The following ROBO1 variants were observed in gnomAD, a reference collection of about 807,000 sequenced individuals.
ROBO1 encodes roundabout homolog 1.
In ROBO1, 149 loss-of-function variants were observed where a neutral mutation model predicts 195.9. The ratio of observed to expected loss-of-function variants is 0.76; its 90% CI spans 0.67 to 0.87. The LOEUF (loss-of-function observed/expected upper bound fraction) is 0.87. Among genes scored for constraint, ROBO1 ranks in the 40% least tolerant of loss-of-function variants. The pLI is 0.00. For missense variants in ROBO1, 1,933 were observed against 2,068.3 expected, an observed-to-expected ratio of 0.93 and a Z score of 1.27; for synonymous variants, 816 against 733.2, an observed-to-expected ratio of 1.11 and a Z score of -1.82.
chr3:79,315,949 A>G (rs188439296), intron 2 of ROBO1, among the ~76,000 whole-genome samples: 1 of 152,334 alleles, frequency 6.6e-6, no homozygotes, highest in Non-Finnish European at 1.5e-5. Flanking sequence ...GAGTTGTGAA[A>G]GAGTTGGAGA....
intron 2 of ROBO1, among the ~76,000 whole-genome samples, chr3:79,377,913 CTTAA>C (rs1383678239): frequency 1.3e-5 from 2 of 152,164 alleles, no homozygotes; most frequent in Non-Finnish European, 2.9e-5. Flanking sequence ...ACTTGACTAT[CTTAA>C]TTAAGCAGAT....
intron 1 of ROBO1, among the ~76,000 whole-genome samples, chr3:79,604,942 T>C (rs1251316121): frequency 1.3e-5 from 2 of 152,142 alleles, no homozygotes; most frequent in African/African-American, 4.8e-5. Flanking sequence ...ACACATTCCA[T>C]TTACTGCCAA....
At chr3:79,508,352 C>G (rs1400359467) in intron 2 of ROBO1, among the ~76,000 whole-genome samples, 1 of 152,132 alleles carries the variant, frequency 6.6e-6, no homozygotes, top group African/African-American at 2.4e-5. Context: ...ACAAACCAAA[C>G]AGTGAGGCCA....
chr3:78,604,268 A>G (rs1365796602), intron 29 of ROBO1, among the ~76,000 whole-genome samples: 1 of 151,944 alleles, frequency 6.6e-6, no homozygotes, highest in Non-Finnish European at 1.5e-5. Flanking sequence ...ATGGGGTTTC[A>G]CCATGTTGGC....
Position 79,360,811 on chromosome 3 carries a change from G to A in ROBO1, c.88+229013C>T, listed in dbSNP as rs140187244. Among the ~76,000 whole-genome samples the A allele has an allele frequency of 4.0e-3, 603 of 152,088 alleles. 2 individuals are homozygous for A. Among genetic ancestry groups the A allele is most frequent in the African/African-American group, 0.014 (565 of 41,540 alleles). Reference sequence around the variant, plus strand: ...ATTCCAAAGTGTGAAGCCAGGGTGCGGAACACTTAGATAATATGATGCTCT... The same window carrying A: ...ATTCCAAAGTGTGAAGCCAGGGTGCAGAACACTTAGATAATATGATGCTCT... On this transcript the variant is annotated intron_variant, in intron 2 of 30. Transcript: ENST00000464233.
chr3:79,541,829 G>A (rs1405699005), intron 2 of ROBO1, among the ~76,000 whole-genome samples: 1,779 of 57,940 alleles, frequency 0.031, 35 homozygotes, highest in African/African-American at 0.1. Flanking sequence ...GTGTGTGTGT[G>A]TATATATATA....
chr3:79,575,187 T>TATATATAAATATATATAACAA (rs1560007267), intron 2 of ROBO1, among the ~76,000 whole-genome samples: 1 of 113,216 alleles, frequency 8.8e-6, no homozygotes, highest in African/African-American at 3.7e-5. Flanking sequence ...ATATATAACA[T>TATATATAAATATATATAACAA]ATATATAAAT....
intron 2 of ROBO1, among the ~76,000 whole-genome samples, chr3:79,339,407 C>A (rs528643412): frequency 6.6e-6 from 1 of 152,304 alleles, no homozygotes; most frequent in Admixed American, 6.5e-5. Context: ...TTCTCAGCCA[C>A]TGTGGTACCA....
In ROBO1 at chr3:78,633,966, G is replaced by A. The variant is rs1439248218; in HGVS notation, c.3450C>T (p.Tyr1150=). Reference sequence around the variant, plus strand: ...TACTACTGCCCCGGTCTGAGCTGTTGTAGGATCCTCCTGTGTTCTGGTCGT... The same window carrying A: ...TACTACTGCCCCGGTCTGAGCTGTTATAGGATCCTCCTGTGTTCTGGTCGT... ...QSYDQNTGGS[Y]NSSDRGSSTS... is the part of the protein sequence containing the mutation. Residue 1150 remains tyrosine (Y), a synonymous_variant, in exon 24 of 31, where the codon TAC becomes TAT. Transcript: ENST00000464233. 1 of 1,612,394 alleles carries A rather than the reference G, an allele frequency of 6.2e-7. No homozygotes were observed. Among genetic ancestry groups the A allele is most frequent in the Non-Finnish European group, 8.5e-7 (1 of 1,178,904 alleles).
At position 79,390,971 on chromosome 3, in the gene ROBO1, T is replaced by A. The variant is rs1291128109; in HGVS notation, c.88+198853A>T. 1.2e-4 allele frequency among the ~76,000 whole-genome samples: 18 copies of A among 152,174 alleles called. No homozygotes were observed. In the East Asian group the frequency reaches 1.5e-3, roughly 13 times the overall value. On this transcript the variant is annotated intron_variant, in intron 2 of 30. Coordinates refer to ENST00000464233, the MANE Select transcript of ROBO1 (RefSeq NM_002941.4). ...CTTTAAGAATACCCCAAAGCACTGC[T>A]TTAACAATTAGCATAGTTCTTAATG...
chr3:79,727,183 T>A (rs1450016326), intron 1 of ROBO1, among the ~76,000 whole-genome samples: 1 of 152,164 alleles, frequency 6.6e-6, no homozygotes, highest in African/African-American at 2.4e-5. Flanking sequence ...GCTATGTTAA[T>A]TTACTTGCTG....
chr3:78,664,937 ACTT>A (rs1387489639), intron 14 of ROBO1, among the ~76,000 whole-genome samples: 5 of 152,166 alleles, frequency 3.3e-5, no homozygotes, highest in African/African-American at 1.2e-4. Flanking sequence ...CCTCAATTTT[ACTT>A]CTTCTCATGG....
intron 2 of ROBO1, among the ~76,000 whole-genome samples, chr3:79,188,889 T>C (rs1244702816): frequency 6.6e-6 from 1 of 151,720 alleles, no homozygotes; most frequent in Non-Finnish European, 1.5e-5. Flanking sequence ...CTTTGGGGTA[T>C]GATTAGGTCA....
chr3:79,639,738 G>A (rs1475712707), intron 1 of ROBO1, among the ~76,000 whole-genome samples: 2 of 152,076 alleles, frequency 1.3e-5, no homozygotes. Flanking sequence ...TATCAACAAA[G>A]CAAAAGTAAA....
intron 1 of ROBO1, among the ~76,000 whole-genome samples, chr3:79,763,969 T>C (rs1576334405): frequency 6.6e-6 from 1 of 152,322 alleles, no homozygotes; most frequent in East Asian, 1.9e-4. Context: ...AAAGCAGCAG[T>C]ATGACATACT....
intron 3 of ROBO1, among the ~76,000 whole-genome samples, chr3:78,949,590 C>A (rs1181480907): frequency 6.6e-6 from 1 of 152,092 alleles, no homozygotes; most frequent in African/African-American, 2.4e-5. Context: ...CCATTCAGGA[C>A]ATAGGCATGG....
In ROBO1 at chr3:79,269,658, T is replaced by A. The variant is rs567086862; in HGVS notation, c.89-144119A>T. Among the ~76,000 whole-genome samples the A allele has an allele frequency of 5.3e-5, 8 of 151,902 alleles. 1 individual carries two copies. The South Asian group carries it at 1.4e-3, about 28-fold the overall frequency. On this transcript the variant is annotated intron_variant, in intron 2 of 30. Coordinates refer to ENST00000464233, the MANE Select transcript of ROBO1 (RefSeq NM_002941.4). Reference sequence around the variant, plus strand: ...GATTTTACTGAAAATTAATAATGTGTCTGTGAATTCTCAAAGGAATATACA... The same window carrying A: ...GATTTTACTGAAAATTAATAATGTGACTGTGAATTCTCAAAGGAATATACA...
At chr3:78,825,351 G>A (rs995109474) in intron 4 of ROBO1, among the ~76,000 whole-genome samples, 2 of 152,086 alleles carry the variant, frequency 1.3e-5, no homozygotes, top group Non-Finnish European at 2.9e-5. Context: ...TCACCTAGGA[G>A]AACCCAAAAA....
chr3:78,742,819 T>C (rs1259224203), intron 5 of ROBO1, among the ~76,000 whole-genome samples: 5 of 152,206 alleles, frequency 3.3e-5, no homozygotes, highest in Non-Finnish European at 7.3e-5. Flanking sequence ...TTGTTGTAGG[T>C]GGTTCTTACA....
Sources: gnomAD v4.1 joint callset for allele counts (sites outside exome capture counted in the v4.1 genomes callset) on GRCh38, gnomAD v4.1.1 for gene constraint, MANE v1.5 for transcripts, NCBI Gene and HGNC (gene_info 2026-07-23, HGNC 2026-07-21) for gene names.